VPS13D: variants seen among roughly 807,000 people sequenced by gnomAD.
VPS13D encodes the protein intermembrane lipid transfer protein VPS13D.
VPS13D carries 187 observed loss-of-function variants against 461.9 expected under a neutral mutation model. The observed-to-expected ratio is 0.40, with a 90% confidence interval of 0.36 to 0.46. VPS13D has a LOEUF of 0.46. Ranked by LOEUF, VPS13D falls within the 20% of genes least tolerant of loss-of-function variation. VPS13D has a pLI of 0.60. For synonymous variants in VPS13D, 1,951 were observed against 1,986.3 expected (o/e 0.98, Z 0.47); for missense variants, 4,711 against 5,364.9 (o/e 0.88, Z 3.81).
intron 24 of VPS13D, among the ~76,000 whole-genome samples, chr1:12,296,371 T>C (rs1221545647): frequency 6.6e-6 from 1 of 152,254 alleles, no homozygotes; most frequent in Non-Finnish European, 1.5e-5. Flanking sequence ...ATATTACATT[T>C]ATGGTCTGCA....
chr1:12,294,651 A>G (rs1642224188), intron 24 of VPS13D, among the ~76,000 whole-genome samples: 1 of 151,984 alleles, frequency 6.6e-6, no homozygotes, highest in Non-Finnish European at 1.5e-5. Context: ...CGTCTTTACT[A>G]AAATACAAAA....
chr1:12,249,219 G>T lies in VPS13D; in HGVS notation c.448-4G>T. 1.9e-6 allele frequency: 3 copies of T among 1,602,762 alleles called. No individual in the cohort carries two copies. Among genetic ancestry groups the T allele is most frequent in the Non-Finnish European group, 1.7e-6 (2 of 1,174,362 alleles). Reference sequence around the variant, plus strand: ...CAGCTGCTTTTTCTTTTTTCTCTTTGCAGTTAAAAATTCAAGATGTCCATT... The same window carrying T: ...CAGCTGCTTTTTCTTTTTTCTCTTTTCAGTTAAAAATTCAAGATGTCCATT... On this transcript the variant is annotated splice_region_variant and splice_polypyrimidine_tract_variant and intron_variant, in intron 5 of 69. Transcript: ENST00000620676.
rs1340602251 is a variant in VPS13D at position 12,234,224 on chromosome 1, A to C, written c.-43A>C. 2 of 1,327,502 alleles carry C rather than the reference A, an allele frequency of 1.5e-6. No homozygotes were observed. The highest frequency in any genetic ancestry group is 3.8e-5 in the Admixed American group (2 of 52,280). The allele number at this position is 1,327,502 out of a possible 1,614,324, so 82.2% of individuals were successfully genotyped here. A position where few individuals can be genotyped will look rare whatever the true frequency, so the allele number is the denominator to read the frequency against. On this transcript the variant is annotated 5_prime_UTR_variant, in exon 2 of 70. Coordinates refer to ENST00000620676, the MANE Select transcript of VPS13D (RefSeq NM_015378.4). Reference sequence around the variant, plus strand: ...GTGACCATGAAAGAGAGAAATAAAGAATGATCCATGATTTCTAAACACCTT... The same window carrying C: ...GTGACCATGAAAGAGAGAAATAAAGCATGATCCATGATTTCTAAACACCTT...
At position 12,341,803 on chromosome 1, in the gene VPS13D, C is replaced by T. The variant is rs1265382019; in HGVS notation, c.8650C>T (p.Arg2884Trp). The change falls in exon 41 of 70, where the codon CGG becomes TGG. Residue 2884 changes from arginine to tryptophan, a missense_variant. Physicochemically the swap from Arg to Trp is moderately radical, Grantham distance 101. This residue lies in a region of VPS13D where 4,411 missense variants were observed against 4,937.8 expected (regional missense o/e 0.89). Transcript: ENST00000620676. ...ARAEVKTPKR[R>W]QPFVPFALRN... is the part of the protein sequence containing the mutation. The stretch of plus-strand genomic sequence containing the variant: ...AGCAGAGGTGAAAACCCCCAAGCGC[C>T]GGCAGCCATTTGTCCCCTTTGCTCT... 1.1e-5 allele frequency: 17 copies of T among 1,613,948 alleles called. No individual in the cohort carries two copies. The highest frequency in any genetic ancestry group is 1.2e-5 in the Non-Finnish European group (14 of 1,179,962).
intron 65 of VPS13D, among the ~76,000 whole-genome samples, chr1:12,419,259 C>G (rs564529387): frequency 6.6e-6 from 1 of 152,322 alleles, no homozygotes; most frequent in East Asian, 1.9e-4. Flanking sequence ...GGTATGGGAA[C>G]TTCCCTTCCC....
intron 34 of VPS13D, among the ~76,000 whole-genome samples, chr1:12,323,020 T>A (rs1295187702): frequency 6.6e-6 from 1 of 152,224 alleles, no homozygotes; most frequent in Non-Finnish European, 1.5e-5. Context: ...AGAGTTCTCC[T>A]CTGAAATTAT....
chr1:12,456,096 A>G lies in VPS13D; in HGVS notation c.12432A>G (p.Glu4144=). The change falls in exon 66 of 70, where the codon GAA becomes GAG. Residue 4144 remains glutamate, a synonymous_variant. Transcript: ENST00000620676. ...YIRYHAATSG[E]HLVAGIHGLA... Reference sequence around the variant, plus strand: ...GGTACCATGCAGCCACAAGTGGTGAACACCTTGTAGCCGGCATCCATGGCC... The same window carrying G: ...GGTACCATGCAGCCACAAGTGGTGAGCACCTTGTAGCCGGCATCCATGGCC... 1 of 1,613,786 alleles carries G rather than the reference A, an allele frequency of 6.2e-7. No individual in the cohort carries two copies. Among genetic ancestry groups the G allele is most frequent in the African/African-American group, 1.3e-5 (1 of 75,026 alleles).
At chr1:12,302,987 G>C (rs1459815012) in intron 25 of VPS13D, among the ~76,000 whole-genome samples, 3 of 152,054 alleles carry the variant, frequency 2.0e-5, no homozygotes, top group Admixed American at 2.0e-4. Flanking sequence ...TCAAGTATTT[G>C]TAAGCAGATA....
intron 55 of VPS13D, among the ~76,000 whole-genome samples, chr1:12,374,423 G>A (rs964545605): frequency 6.6e-6 from 1 of 152,104 alleles, no homozygotes; most frequent in Non-Finnish European, 1.5e-5. Flanking sequence ...AACAATCTCA[G>A]ATTTCCAGAA....
intron 49 of VPS13D, among the ~76,000 whole-genome samples, chr1:12,357,876 C>T (rs572954296): frequency 1.7e-4 from 26 of 152,108 alleles, no homozygotes; most frequent in South Asian, 4.2e-4. Context: ...TGGTGGCGCT[C>T]GCCTGTAGTC....
chr1:12,446,583 C>G (rs996768055), intron 65 of VPS13D, among the ~76,000 whole-genome samples: 1 of 152,064 alleles, frequency 6.6e-6, no homozygotes, highest in Non-Finnish European at 1.5e-5. Context: ...TTTCCATATC[C>G]CCCTATATTT....
intron 67 of VPS13D, among the ~76,000 whole-genome samples, chr1:12,481,697 T>G (rs752954486): frequency 9.9e-5 from 15 of 152,236 alleles, no homozygotes; most frequent in Non-Finnish European, 1.9e-4. Context: ...CAAAGTTGAT[T>G]TGGTCTCTGA....
chr1:12,405,862 A>G (rs1373074687), intron 63 of VPS13D, among the ~76,000 whole-genome samples: 1 of 152,220 alleles, frequency 6.6e-6, no homozygotes, highest in Non-Finnish European at 1.5e-5. Flanking sequence ...TTACTAAGAA[A>G]CACAGACACC....
chr1:12,433,931 T>TGAGAGAGAGAGAGAGA (rs374176072), intron 65 of VPS13D, among the ~76,000 whole-genome samples: 27 of 126,518 alleles, frequency 2.1e-4, no homozygotes, highest in African/African-American at 6.9e-4. Context: ...AGAGAGAGAG[T>TGAGAGAGAGAGAGAGA]GAGAGAGAGA....
At chr1:12,269,282 G>A (rs1397961907) in intron 16 of VPS13D, among the ~76,000 whole-genome samples, 1 of 152,166 alleles carries the variant, frequency 6.6e-6, no homozygotes, top group Non-Finnish European at 1.5e-5. Flanking sequence ...CAATAAAATA[G>A]TATGGGGTGG....
chr1:12,238,403 A>G (rs1177884333), intron 2 of VPS13D, among the ~76,000 whole-genome samples: 1 of 151,860 alleles, frequency 6.6e-6, no homozygotes, highest in Non-Finnish European at 1.5e-5. Flanking sequence ...GTGCCACTGC[A>G]CTGCAGCCTT....
chr1:12,262,119 C>T lies in VPS13D; in HGVS notation c.1594+39C>T, dbSNP rs201577085. 54 of 1,573,066 alleles carry T rather than the reference C, an allele frequency of 3.4e-5. No homozygotes were observed. In the African/African-American group the frequency reaches 7.3e-4, roughly 21 times the overall value. ...AAGAAACTACCTGCCACTGTTGTCTCTCTGTGGGCCAATGTCCAGGCGATT... is the reference window on the plus strand; with the variant it reads ...AAGAAACTACCTGCCACTGTTGTCTTTCTGTGGGCCAATGTCCAGGCGATT... On this transcript the variant is annotated intron_variant, in intron 13 of 69. Transcript: ENST00000620676.
At chr1:12,363,409 A>G (rs1643980226) in intron 52 of VPS13D, among the ~76,000 whole-genome samples, 162 bp downstream of exon 52, 1 of 152,208 alleles carries the variant, frequency 6.6e-6, no homozygotes, top group Non-Finnish European at 1.5e-5. Flanking sequence ...ATTTGATGGA[A>G]TAAACTAAAG....
intron 65 of VPS13D, among the ~76,000 whole-genome samples, chr1:12,423,373 A>G (rs983962899): frequency 6.6e-6 from 1 of 152,192 alleles, no homozygotes; most frequent in Non-Finnish European, 1.5e-5. Flanking sequence ...ACATGCCTCT[A>G]TGTGTTAAAC....
Sources: gnomAD v4.1 joint callset for allele counts (sites outside exome capture counted in the v4.1 genomes callset) on GRCh38, gnomAD v4.1.1 for gene constraint, gnomAD v4.1.1 regional missense constraint, MANE v1.5 for transcripts, NCBI Gene and HGNC (gene_info 2026-07-23, HGNC 2026-07-21) for gene names.